The following MARCHF1 variants were observed in gnomAD, a reference collection of about 807,000 sequenced individuals.
MARCHF1 encodes the protein E3 ubiquitin-protein ligase MARCHF1.
In MARCHF1, 40 loss-of-function variants were observed where a neutral mutation model predicts 54.2. The observed-to-expected ratio is 0.74, with a 90% CI of 0.57 to 0.96. The LOEUF is 0.96. MARCHF1 is among the 40% of genes least tolerant of loss of function. The probability of loss-of-function intolerance (pLI) is 0.00; values close to 1 mark genes in which losing one functional copy is unlikely to be tolerated. For synonymous variants in MARCHF1, 236 were observed against 236.3 expected (o/e 1.00, Z 0.01); for missense variants, 586 against 656.5 (o/e 0.89, Z 1.17).
chr4:164,077,843 G>T (rs771760743), intron 2 of MARCHF1, among the ~76,000 whole-genome samples: 4 of 152,112 alleles, frequency 2.6e-5, no homozygotes, highest in Non-Finnish European at 5.9e-5. Flanking sequence ...ACCATCTCAC[G>T]CCAGTGAGAA....
intron 3 of MARCHF1, among the ~76,000 whole-genome samples, chr4:163,962,219 G>C (rs1049495387): frequency 1.3e-5 from 2 of 151,874 alleles, no homozygotes; most frequent in Non-Finnish European, 2.9e-5. Context: ...CAAACTAATA[G>C]ACTTATTCAT....
chr4:164,062,688 C>T (rs1754644996), intron 2 of MARCHF1, among the ~76,000 whole-genome samples: 1 of 152,018 alleles, frequency 6.6e-6, no homozygotes, highest in Non-Finnish European at 1.5e-5. Context: ...CCATGCCTGG[C>T]TAATTTTGTA....
chr4:163,898,440 C>T (rs570869688), intron 3 of MARCHF1, among the ~76,000 whole-genome samples: 1 of 152,240 alleles, frequency 6.6e-6, no homozygotes, highest in South Asian at 2.1e-4. Flanking sequence ...AAATGCTCAA[C>T]ATCAATATAC....
chr4:164,197,083 TA>T, intron 1 of MARCHF1: 1 of 1,606,770 alleles, frequency 6.2e-7, no homozygotes, highest in Non-Finnish European at 8.5e-7. Context: ...TCCATCGTTA[TA>T]ACCTTCTTCA....
chr4:163,661,997 T>C (rs777104536), intron 5 of MARCHF1, among the ~76,000 whole-genome samples: 2 of 152,106 alleles, frequency 1.3e-5, no homozygotes, highest in South Asian at 2.1e-4. Flanking sequence ...TAATTGCTCC[T>C]TTTTAAAAAA....
intron 3 of MARCHF1, among the ~76,000 whole-genome samples, chr4:163,941,523 T>C (rs1009279097): frequency 3.9e-5 from 6 of 152,118 alleles, no homozygotes; most frequent in African/African-American, 1.4e-4. Flanking sequence ...TGACTCTTCC[T>C]GCTTTCATAT....
rs190399383 is a variant in MARCHF1, at chr4:164,271,526, A to C, written c.-323+112344T>G. Reference sequence around the variant, plus strand: ...CCTGTCAACAACTTGATTTTAGTTCACTAAAATTCATGCCTGATTTCTGAC... The same window carrying C: ...CCTGTCAACAACTTGATTTTAGTTCCCTAAAATTCATGCCTGATTTCTGAC... On this transcript the variant is annotated intron_variant, in intron 1 of 9. Coordinates refer to ENST00000514618, the MANE Select transcript of MARCHF1 (RefSeq NM_001394959.1). Among the ~76,000 whole-genome samples, 3 of 152,254 alleles carry C rather than the reference A, an allele frequency of 2.0e-5. No individual in the cohort carries two copies. The East Asian group carries it at 5.8e-4, about 29-fold the overall frequency.
intron 4 of MARCHF1, among the ~76,000 whole-genome samples, chr4:163,797,967 T>A (rs1026133573): frequency 3.9e-5 from 6 of 152,160 alleles, no homozygotes; most frequent in African/African-American, 1.4e-4. Flanking sequence ...GAACTTTAAT[T>A]CAGAAGTTTT....
chr4:163,549,165 A>T (rs1739013416), intron 8 of MARCHF1, among the ~76,000 whole-genome samples: 2 of 152,056 alleles, frequency 1.3e-5, no homozygotes, highest in South Asian at 4.1e-4. Context: ...CGCGCCCACC[A>T]CCACGCCTGG....
chr4:163,939,513 C>T (rs1302219083), intron 3 of MARCHF1, among the ~76,000 whole-genome samples: 1 of 152,160 alleles, frequency 6.6e-6, no homozygotes, highest in African/African-American at 2.4e-5. Context: ...TCACTCTTCA[C>T]ACTCTATGCT....
chr4:164,059,953 C>T (rs1388074969), intron 2 of MARCHF1, among the ~76,000 whole-genome samples: 4 of 152,010 alleles, frequency 2.6e-5, no homozygotes, highest in Non-Finnish European at 4.4e-5. Context: ...TTAGGCCTGC[C>T]GCTTAGTATT....
At chr4:164,146,008 A>G (rs527581940) in intron 1 of MARCHF1, among the ~76,000 whole-genome samples, 2 of 58,022 alleles carry the variant, frequency 3.4e-5, no homozygotes, top group South Asian at 1.2e-3. Context: ...AAAAATCACA[A>G]GCATTCTTAT....
In MARCHF1 at chr4:164,006,708, A is replaced by G. The variant is rs567012890; in HGVS notation, c.-247-17999T>C. Among the ~76,000 whole-genome samples, 4 of 152,160 alleles carry G rather than the reference A, an allele frequency of 2.6e-5. No individual in the cohort carries two copies. In the East Asian group the frequency reaches 7.7e-4, roughly 29 times the overall value. Reference sequence around the variant, plus strand: ...AAACTCTCAAATTTCAAGGACAAAGAGAGGGTTCTAAAAGCAGCAAGAGAA... The same window carrying G: ...AAACTCTCAAATTTCAAGGACAAAGGGAGGGTTCTAAAAGCAGCAAGAGAA... On this transcript the variant is annotated intron_variant, in intron 2 of 9. Coordinates refer to ENST00000514618, the MANE Select transcript of MARCHF1 (RefSeq NM_001394959.1).
intron 2 of MARCHF1, among the ~76,000 whole-genome samples, chr4:164,057,495 A>G (rs1343640233): frequency 6.6e-6 from 1 of 152,216 alleles, no homozygotes; most frequent in African/African-American, 2.4e-5. Flanking sequence ...GGCTGACAAC[A>G]TATAAGAATA....
At chr4:163,661,944 T>C (rs1743356918) in intron 5 of MARCHF1, among the ~76,000 whole-genome samples, 1 of 152,150 alleles carries the variant, frequency 6.6e-6, no homozygotes, top group African/African-American at 2.4e-5. Context: ...TGACTGGATA[T>C]AGAATTCTGG....
intron 1 of MARCHF1, among the ~76,000 whole-genome samples, chr4:164,318,700 G>A (rs1199313051): frequency 6.6e-6 from 1 of 152,128 alleles, no homozygotes; most frequent in Non-Finnish European, 1.5e-5. Flanking sequence ...ATTCTATGTG[G>A]CTATTGTTAA....
chr4:163,727,978 A>G (rs1197608836), intron 4 of MARCHF1, among the ~76,000 whole-genome samples: 2 of 152,116 alleles, frequency 1.3e-5, no homozygotes, highest in African/African-American at 4.8e-5. Context: ...AGAAAAGACT[A>G]TCTTTGTTCC....
At chr4:163,848,673 G>A (rs959919643) in intron 4 of MARCHF1, among the ~76,000 whole-genome samples, 13 of 152,112 alleles carry the variant, frequency 8.5e-5, no homozygotes, top group Non-Finnish European at 1.5e-4. Flanking sequence ...ATTTAAAAGA[G>A]AGGTTTCTCC....
chr4:164,225,438 T>G (rs1732225205), intron 1 of MARCHF1, among the ~76,000 whole-genome samples: 1 of 152,034 alleles, frequency 6.6e-6, no homozygotes, highest in South Asian at 2.1e-4. Flanking sequence ...GATTATTTTT[T>G]GGGGGATGGG....
Sources: gnomAD v4.1 joint callset for allele counts (sites outside exome capture counted in the v4.1 genomes callset) on GRCh38, gnomAD v4.1.1 for gene constraint, MANE v1.5 for transcripts, NCBI Gene and HGNC (gene_info 2026-07-23, HGNC 2026-07-21) for gene names.